The following CPAMD8 variants were observed in gnomAD, a reference collection of about 807,000 sequenced individuals.
The protein encoded by CPAMD8 is C3 and PZP-like alpha-2-macroglobulin domain-containing protein 8.
In CPAMD8, 146 loss-of-function variants were observed where a neutral mutation model predicts 224.7. The ratio of observed to expected loss-of-function variants is 0.65; its 90% confidence interval spans 0.57 to 0.75. The LOEUF is 0.75. CPAMD8 is among the 30% of genes least tolerant of loss of function. The pLI, the probability that CPAMD8 is intolerant of heterozygous loss-of-function variation, is 0.00. For missense variants in CPAMD8, 2,301 were observed against 2,537.5 expected (o/e 0.91, Z 2.00); for synonymous variants, 966 against 1,044.6 (o/e 0.92, Z 1.45).
At chr19:16,948,592 A>C (rs59995770) in intron 20 of CPAMD8, among the ~76,000 whole-genome samples, 1 of 151,116 alleles carries the variant, frequency 6.6e-6, no homozygotes, top group Non-Finnish European at 1.5e-5. Flanking sequence ...ACTAAAGACC[A>C]GGCGTAGTGC....
chr19:16,963,112 T>C (rs1236189241), intron 18 of CPAMD8, among the ~76,000 whole-genome samples: 1 of 152,148 alleles, frequency 6.6e-6, no homozygotes, highest in Non-Finnish European at 1.5e-5. Context: ...AGACCGTTGA[T>C]GCTATGAAGA....
At chr19:16,989,382 G>A (rs887567896) in intron 13 of CPAMD8, among the ~76,000 whole-genome samples, 1 of 152,062 alleles carries the variant, frequency 6.6e-6, no homozygotes, top group Non-Finnish European at 1.5e-5. Flanking sequence ...TGCCTCCCGG[G>A]TTCAAGCAAT....
chr19:16,896,412 C>T, intron 40 of CPAMD8, 44 bp downstream of exon 40: 1 of 1,489,888 alleles, frequency 6.7e-7, no homozygotes, highest in Non-Finnish European at 8.9e-7. Context: ...CCCAGAGCAG[C>T]AGCGATGGTG....
chr19:16,976,768 G>A (rs1042731776), intron 15 of CPAMD8, among the ~76,000 whole-genome samples: 6 of 151,894 alleles, frequency 4.0e-5, no homozygotes, highest in Non-Finnish European at 8.8e-5. Flanking sequence ...GGAGCCAGGC[G>A]CAGTGGCTCA....
chr19:17,016,192 C>T (rs529143434), intron 3 of CPAMD8, among the ~76,000 whole-genome samples: 3 of 152,226 alleles, frequency 2.0e-5, no homozygotes, highest in East Asian at 1.9e-4. Flanking sequence ...TGGCCTCAAG[C>T]GATCCTCCAG....
At chr19:16,926,176 T>TA (rs1461625671) in intron 25 of CPAMD8, among the ~76,000 whole-genome samples, 1 of 151,542 alleles carries the variant, frequency 6.6e-6, no homozygotes, top group African/African-American at 2.4e-5. Flanking sequence ...TTTCTCTCTT[T>TA]AAAAAAAAAT....
At chr19:16,901,412 G>T (rs2052253138) in intron 35 of CPAMD8, 115 bp from the exon 36 acceptor site, 2 of 733,058 alleles carry the variant, frequency 2.7e-6, no homozygotes, top group Non-Finnish European at 4.7e-6. Context: ...CCTGCCCTGG[G>T]GCCTGGCCGG....
chr19:16,908,220 G>A (rs930671047), intron 29 of CPAMD8, among the ~76,000 whole-genome samples: 4 of 152,080 alleles, frequency 2.6e-5, no homozygotes, highest in African/African-American at 4.8e-5. Context: ...TTAGCCAGGC[G>A]TGGTGGTGGG....
rs112859838 is a variant in CPAMD8, at chr19:16,898,911, A to AT, written c.4848+563dup. ...CTGGAATTTATTCTCCCAGTGTCTT[A>AT]TTTTTTTTTGTTTTTTTTTAGACAA... On this transcript the variant is annotated intron_variant, in intron 37 of 41. Coordinates refer to ENST00000443236, the MANE Select transcript of CPAMD8 (RefSeq NM_015692.5). This position sits in a 1 kb window ranked among gnomAD's most constrained non-coding sequence, Gnocchi z 4.2. 1.8e-3 allele frequency among the ~76,000 whole-genome samples: 273 copies of AT among 149,534 alleles called. 2 individuals carry two copies. The highest frequency in any genetic ancestry group is 4.3e-3 in the African/African-American group (175 of 40,414).
chr19:17,025,027 C>T (rs989840984), intron 1 of CPAMD8, among the ~76,000 whole-genome samples: 2 of 152,226 alleles, frequency 1.3e-5, no homozygotes, highest in African/African-American at 4.8e-5. Context: ...CCCAGTGTGT[C>T]TCTCAGCACA....
chr19:16,896,727 A>C, intron 39 of CPAMD8, 62 bp from the exon 40 acceptor site: 9 of 1,170,766 alleles, frequency 7.7e-6, no homozygotes, highest in Non-Finnish European at 1.0e-5. Flanking sequence ...CCCCCACAGA[A>C]CCTGGGGGTG....
intron 26 of CPAMD8, among the ~76,000 whole-genome samples, chr19:16,924,941 TA>T (rs11455534): frequency 6.6e-6 from 1 of 152,164 alleles, no homozygotes; most frequent in East Asian, 1.9e-4. Context: ...ATTATTGTTG[TA>T]AAAAAATCCA....
intron 13 of CPAMD8, among the ~76,000 whole-genome samples, chr19:16,984,634 C>A (rs1448350935): frequency 6.6e-6 from 1 of 152,108 alleles, no homozygotes; most frequent in Non-Finnish European, 1.5e-5. Context: ...AAAATGTCTG[C>A]AAATTACACA....
intron 41 of CPAMD8, 143 bp from the exon 42 acceptor site, chr19:16,893,482 C>T (rs1249516254): frequency 1.2e-5 from 7 of 600,852 alleles, no homozygotes; most frequent in Non-Finnish European, 1.8e-5. Context: ...AGACCTTGAT[C>T]TCACAGGCAG....
chr19:16,946,364 T>C (rs2054085071), intron 21 of CPAMD8, among the ~76,000 whole-genome samples: 1 of 150,612 alleles, frequency 6.6e-6, no homozygotes, highest in African/African-American at 2.5e-5. Context: ...CGTGGGGGTG[T>C]GTGTGTGTGG....
At position 16,899,659 on chromosome 19, in the gene CPAMD8, G is replaced by A. The variant is rs1332880343; in HGVS notation, c.4774-110C>T. 1.4e-6 allele frequency: 1 copy of A among 689,686 alleles called. No homozygotes were observed. Among genetic ancestry groups the A allele is most frequent in the East Asian group, 2.7e-5 (1 of 37,222 alleles). 42.7% of individuals were successfully genotyped at this position (689,686 alleles called of 1,614,324 possible). The stretch of plus-strand genomic sequence containing the variant: ...CTTGGACTTGCCCACAAGTTACCAT[G>A]GGCTGGGGTCTGGGTGCTGGTCAGT... On this transcript the variant is annotated intron_variant, in intron 36 of 41. Transcript: ENST00000443236. The surrounding 1 kb of genome is among the most constrained non-coding windows in gnomAD (Gnocchi z 5.4).
chr19:16,932,138 T>C (rs1288214627), intron 23 of CPAMD8, among the ~76,000 whole-genome samples: 1 of 152,068 alleles, frequency 6.6e-6, no homozygotes, highest in African/African-American at 2.4e-5. Flanking sequence ...TAATTCAAAA[T>C]AATGACATTA....
rs912734399 is a variant in CPAMD8, at chr19:16,928,140, C to T, written c.3239G>A (p.Gly1080Asp). The change falls in exon 25 of 42, where the codon GGC becomes GAC. Residue 1080 changes from glycine (G) to aspartate (D), a missense_variant. Gly to Asp is a moderately conservative substitution (Grantham distance 94). Around this residue, in one of 4 missense-constraint regions of CPAMD8, gnomAD observed 1,709 missense variants for 1,753.2 expected, o/e 0.97. Coordinates refer to ENST00000443236, the MANE Select transcript of CPAMD8 (RefSeq NM_015692.5). ...TCGGAATTCACCCATGGAGCCCCAG[C>T]CGGTGGAAAAGCCAATGAACTGGAC... ...PEVQFIGFST[G>D]WGSMGEFRIW... 6.2e-7 allele frequency: 1 copy of T among 1,614,158 alleles called. No individual in the cohort carries two copies.
intron 9 of CPAMD8, 118 bp from the exon 10 acceptor site, chr19:17,000,640 C>A: frequency 1.7e-6 from 1 of 598,954 alleles, no homozygotes; most frequent in South Asian, 2.0e-5. Flanking sequence ...ATGCAGCTCC[C>A]TCCACACCCT....
Sources: gnomAD v4.1 joint callset for allele counts (sites outside exome capture counted in the v4.1 genomes callset) on GRCh38, gnomAD v4.1.1 for gene constraint, gnomAD v4.1.1 regional missense constraint, Gnocchi (gnomAD v3.1) non-coding constraint, MANE v1.5 for transcripts, NCBI Gene and HGNC (gene_info 2026-07-23, HGNC 2026-07-21) for gene names.